Variants in FTO observed in about 807,000 individuals in gnomAD.
FTO encodes the protein FTO alpha-ketoglutarate dependent dioxygenase, also known as alpha-ketoglutarate-dependent dioxygenase FTO.
A neutral mutation model predicts 63.9 loss-of-function variants in FTO; 47 were observed. The observed-to-expected ratio is 0.74, with a 90% CI of 0.58 to 0.94. The LOEUF (loss-of-function observed/expected upper bound fraction) is 0.94. Among genes scored for constraint, FTO ranks in the 40% least tolerant of loss-of-function variants. The pLI is 0.00. For synonymous variants in FTO, 207 were observed against 224.4 expected, an observed-to-expected ratio of 0.92 and a Z score of 0.69; for missense variants, 562 against 618.1, an observed-to-expected ratio of 0.91 and a Z score of 0.96.
chr16:53,837,709 A>G (rs112728008), intron 3 of FTO, among the ~76,000 whole-genome samples: 3,548 of 149,178 alleles, frequency 0.024, 46 homozygotes, highest in Middle Eastern at 0.032. Context: ...GATGTAGTCC[A>G]TCAGCTGTGT....
intron 8 of FTO, among the ~76,000 whole-genome samples, chr16:53,936,881 GTCTTT>G: frequency 6.6e-6 from 1 of 152,148 alleles, no homozygotes; most frequent in Non-Finnish European, 1.5e-5. Context: ...TTTAGTATAA[GTCTTT>G]TGTAATAAAG....
At chr16:53,884,885 C>T (rs904567445) in intron 6 of FTO, among the ~76,000 whole-genome samples, 1 of 152,120 alleles carries the variant, frequency 6.6e-6, no homozygotes, top group South Asian at 2.1e-4. Context: ...AGGTTGTTTC[C>T]CTGCTATTGA....
intron 8 of FTO, among the ~76,000 whole-genome samples, chr16:53,988,361 CA>C (rs769759909): frequency 6.6e-6 from 1 of 152,004 alleles, no homozygotes; most frequent in African/African-American, 2.4e-5. Context: ...CAGGAGGAGC[CA>C]GCTTTATTTT....
intron 8 of FTO, among the ~76,000 whole-genome samples, chr16:53,987,412 C>A (rs2083694025): frequency 6.6e-6 from 1 of 151,798 alleles, no homozygotes; most frequent in Non-Finnish European, 1.5e-5. Context: ...AAAACCCCAT[C>A]TCTACTAAAA....
chr16:53,855,048 G>A (rs1447810324), intron 4 of FTO, among the ~76,000 whole-genome samples: 2 of 142,308 alleles, frequency 1.4e-5, no homozygotes, highest in African/African-American at 2.7e-5. Flanking sequence ...ATTTTTTTTA[G>A]CTATTATCAA....
At chr16:54,102,875 G>A (rs2086667746) in intron 8 of FTO, among the ~76,000 whole-genome samples, 1 of 152,128 alleles carries the variant, frequency 6.6e-6, no homozygotes, top group Non-Finnish European at 1.5e-5. Context: ...TTTCTTGTCT[G>A]TGCATGGTGG....
In FTO at chr16:53,759,077, G is replaced by A. The variant is rs79429718; in HGVS notation, c.46-51063G>A. ...GTTGGTAATTGTTGAAGCATGCTGC[G>A]TAATGGGCGCATAGGGGTTCATTAT... is the stretch of plus-strand genomic sequence containing the variant. On this transcript the variant is annotated intron_variant, in intron 1 of 8. Coordinates refer to ENST00000471389, the MANE Select transcript of FTO (RefSeq NM_001080432.3). Among the ~76,000 whole-genome samples, 1,471 of 152,198 alleles carry A rather than the reference G, an allele frequency of 9.7e-3. 29 individuals are homozygous for A. The highest frequency in any genetic ancestry group is 0.033 in the African/African-American group (1,383 of 41,508).
At chr16:54,049,859 CAGT>C (rs2085273056) in intron 8 of FTO, among the ~76,000 whole-genome samples, 1 of 152,298 alleles carries the variant, frequency 6.6e-6, no homozygotes, top group African/African-American at 2.4e-5. Context: ...AATGAGGAAG[CAGT>C]AGTTTGGCTT....
intron 8 of FTO, among the ~76,000 whole-genome samples, chr16:54,038,334 G>A (rs567723525): frequency 1.9e-4 from 29 of 152,252 alleles, no homozygotes; most frequent in Admixed American, 1.0e-3. Flanking sequence ...TTTAGAGGTG[G>A]AACTTGGCTA....
intron 6 of FTO, among the ~76,000 whole-genome samples, chr16:53,888,430 T>TATTTTTAAAAATAAAAATAA: frequency 1.3e-5 from 2 of 152,028 alleles, no homozygotes; most frequent in African/African-American, 2.4e-5. Flanking sequence ...TTGGCCAATT[T>TATTTTTAAAAATAAAAATAA]ATTAGTAGCT....
At chr16:53,861,601 T>C (rs113877911) in intron 4 of FTO, among the ~76,000 whole-genome samples, 8 of 152,202 alleles carry the variant, frequency 5.3e-5, no homozygotes, top group African/African-American at 4.8e-5. Flanking sequence ...TATTTTCTTA[T>C]ACCCAATTTT....
Position 53,749,463 on chromosome 16 carries a change from A to G in FTO, c.45+45234A>G, listed in dbSNP as rs192581386. On this transcript the variant is annotated intron_variant, in intron 1 of 8. Transcript: ENST00000471389. ...TTTCTTTTTTTTTTTTTTGAGACGA[A>G]GTCTTCGCTCTGTGGCCCACGCGGG... is the stretch of plus-strand genomic sequence containing the variant. 1.7e-3 allele frequency among the ~76,000 whole-genome samples: 260 copies of G among 150,876 alleles called. 2 individuals carry two copies. Among genetic ancestry groups the G allele is most frequent in the South Asian group, 8.6e-3 (41 of 4,774 alleles).
intron 8 of FTO, among the ~76,000 whole-genome samples, chr16:54,050,459 T>A (rs2144327151): frequency 6.6e-6 from 1 of 152,280 alleles, no homozygotes. Context: ...GCTTACATCT[T>A]TATAAAATCC....
chr16:53,960,910 A>G (rs2083063936), intron 8 of FTO, among the ~76,000 whole-genome samples: 1 of 152,200 alleles, frequency 6.6e-6, no homozygotes, highest in Non-Finnish European at 1.5e-5. Flanking sequence ...TAAAGGAAAT[A>G]TGATCAGAAA....
At chr16:54,058,332 A>C (rs1378873296) in intron 8 of FTO, among the ~76,000 whole-genome samples, 3 of 152,112 alleles carry the variant, frequency 2.0e-5, no homozygotes, top group African/African-American at 7.2e-5. Context: ...CATGTTGGCC[A>C]GGCTAGTCTC....
intron 4 of FTO, among the ~76,000 whole-genome samples, chr16:53,845,503 A>G (rs1453148546): frequency 6.6e-6 from 1 of 152,206 alleles, no homozygotes; most frequent in Non-Finnish European, 1.5e-5. Flanking sequence ...ATGAACTTCA[A>G]GGTTTTGGTC....
chr16:54,012,410 A>AT (rs2084352023), intron 8 of FTO, among the ~76,000 whole-genome samples: 1 of 152,238 alleles, frequency 6.6e-6, no homozygotes, highest in African/African-American at 2.4e-5. Context: ...AACTGTCTCC[A>AT]TAACATAAGT....
intron 7 of FTO, among the ~76,000 whole-genome samples, chr16:53,893,209 G>T (rs1282896062): frequency 6.6e-6 from 1 of 152,138 alleles, no homozygotes; most frequent in Non-Finnish European, 1.5e-5. Flanking sequence ...CAGGAATTTA[G>T]TCTGGCCTTT....
rs1173268457 is a variant in FTO, at chr16:54,120,704, A to C, written c.*8789A>C. The C allele has an allele frequency of 2.0e-5, 3 of 152,154 alleles. No individual in the cohort carries two copies. The highest frequency in any genetic ancestry group is 4.4e-5 in the Non-Finnish European group (3 of 68,032). The allele number at this position is 152,154 out of a possible 1,614,324, so 9.4% of individuals were successfully genotyped here. A position where few individuals can be genotyped will look rare whatever the true frequency, so the allele number is the denominator to read the frequency against. ...ATTCTTGAGCCCCCCTCCCAAGTTC[A>C]CCTTCAACATCCTAAAGCAGGTTGA... On this transcript the variant is annotated 3_prime_UTR_variant, in exon 9 of 9. Transcript: ENST00000471389.
Sources: gnomAD v4.1 joint callset for allele counts (sites outside exome capture counted in the v4.1 genomes callset) on GRCh38, gnomAD v4.1.1 for gene constraint, MANE v1.5 for transcripts, NCBI Gene and HGNC (gene_info 2026-07-23, HGNC 2026-07-21) for gene names.